ASPH: variants seen among roughly 807,000 people sequenced by gnomAD.
ASPH encodes aspartate beta-hydroxylase.
Under a neutral mutation model 118.4 loss-of-function variants are expected in ASPH, and 100 were observed. The ratio of observed to expected loss-of-function variants is 0.84; its 90% CI spans 0.72 to 1.00. The LOEUF is 1.00. Among genes scored for constraint, ASPH ranks in the 50% least tolerant of loss-of-function variants. The pLI, the probability that ASPH is intolerant of heterozygous loss-of-function variation, is 0.00. For synonymous variants in ASPH, 315 were observed against 325.6 expected (o/e 0.97, Z 0.35); for missense variants, 920 against 919.5 (o/e 1.00, Z -0.01).
chr8:61,565,596 C>G (rs1434581018), intron 17 of ASPH, among the ~76,000 whole-genome samples: 1 of 147,534 alleles, frequency 6.8e-6, no homozygotes, highest in Non-Finnish European at 1.5e-5. Flanking sequence ...GAAGCTGTAG[C>G]AAGTTTCCAG....
intron 3 of ASPH, among the ~76,000 whole-genome samples, chr8:61,670,640 C>T (rs1179194874): frequency 6.6e-6 from 1 of 151,176 alleles, no homozygotes; most frequent in Non-Finnish European, 1.5e-5. Context: ...GTCGAGGAAA[C>T]GCAGGCATGT....
chr8:61,626,349 C>T, intron 13 of ASPH: 1 of 1,374,976 alleles, frequency 7.3e-7, no homozygotes. Context: ...GCTTCATTTT[C>T]ATTCTACTTT....
intron 13 of ASPH, among the ~76,000 whole-genome samples, chr8:61,621,931 T>C (rs1851087966): frequency 6.6e-6 from 1 of 152,216 alleles, no homozygotes; most frequent in Non-Finnish European, 1.5e-5. Flanking sequence ...TCTTAACGTT[T>C]TTTCTCCTTT....
At position 61,539,699 on chromosome 8, in the gene ASPH, G is replaced by GGTGTGT. The variant is rs10522481; in HGVS notation, c.1764+8366_1764+8371dup. Among the ~76,000 whole-genome samples the GGTGTGT allele has an allele frequency of 4.5e-3, 563 of 124,276 alleles. 8 individuals carry two copies. The highest frequency in any genetic ancestry group is 8.6e-3 in the Middle Eastern group (2 of 232). The allele number at this position is 124,276 out of a possible 152,430, so 81.5% of individuals were successfully genotyped here. On this transcript the variant is annotated intron_variant, in intron 21 of 24. Coordinates refer to ENST00000379454, the MANE Select transcript of ASPH (RefSeq NM_004318.4). ...TGTGATGGTCACCTAACACTTCTGGGGTGTGTGTGTGTGTGTGTGTGTGTG... is the reference window on the plus strand; with the variant it reads ...TGTGATGGTCACCTAACACTTCTGGGGTGTGTGTGTGTGTGTGTGTGTGTGTGTGTG...
chr8:61,608,078 C>T (rs74659839), intron 14 of ASPH, among the ~76,000 whole-genome samples: 1,685 of 152,230 alleles, frequency 0.011, 30 homozygotes, highest in African/African-American at 0.039. Context: ...CTGGGAAAGG[C>T]TCACCTTTCT....
intron 18 of ASPH, among the ~76,000 whole-genome samples, chr8:61,560,352 C>G (rs751349945): frequency 6.6e-6 from 1 of 151,906 alleles, no homozygotes; most frequent in African/African-American, 2.4e-5. Context: ...TTCTTTGTTG[C>G]AACTAAAAGC....
At chr8:61,594,813 C>A (rs1051511008) in intron 14 of ASPH, among the ~76,000 whole-genome samples, 2 of 152,166 alleles carry the variant, frequency 1.3e-5, no homozygotes, top group African/African-American at 4.8e-5. Flanking sequence ...TTTTAGGTAT[C>A]CACCAAGGGT....
chr8:61,711,056 G>A (rs1032568367), intron 1 of ASPH, among the ~76,000 whole-genome samples: 1 of 146,864 alleles, frequency 6.8e-6, no homozygotes, highest in Non-Finnish European at 1.5e-5. Context: ...TCTATCAATA[G>A]TTTTGAGTAT....
Position 61,527,686 on chromosome 8 carries a change from C to G in ASPH, c.1765-1574G>C, listed in dbSNP as rs567558657. On this transcript the variant is annotated intron_variant, in intron 21 of 24. Transcript: ENST00000379454. ...GAAAGTACACTCCCAGGAAGGGTGG[C>G]GGGGGGAAGGAGATGACAAAGGCCA... Among the ~76,000 whole-genome samples, 119 of 152,056 alleles carry G rather than the reference C, an allele frequency of 7.8e-4. 2 individuals carry two copies. In the South Asian group the frequency reaches 0.025, roughly 32 times the overall value.
chr8:61,529,577 C>G (rs963779836), intron 21 of ASPH, among the ~76,000 whole-genome samples: 3 of 152,144 alleles, frequency 2.0e-5, no homozygotes, highest in Non-Finnish European at 4.4e-5. Flanking sequence ...TTTTTAAGCA[C>G]AAACCAAGGA....
chr8:61,579,353 G>A lies in ASPH; in HGVS notation c.1063-2495C>T, dbSNP rs112726962. Reference sequence around the variant, plus strand: ...AGCTGCGTGAGTACCAGGAGCTGATGAACGTCAAGCTGGCCCTGGACATCG... The same window carrying A: ...AGCTGCGTGAGTACCAGGAGCTGATAAACGTCAAGCTGGCCCTGGACATCG... On this transcript the variant is annotated intron_variant, in intron 15 of 24. Coordinates refer to ENST00000379454, the MANE Select transcript of ASPH (RefSeq NM_004318.4). 2.5e-6 allele frequency: 4 copies of A among 1,614,178 alleles called. No homozygotes were observed. The South Asian group carries it at 4.4e-5, about 18-fold the overall frequency.
rs1322097521 is a variant in ASPH, at chr8:61,501,568, T to C, written c.*1791A>G. 6.6e-6 allele frequency: 1 copy of C among 152,188 alleles called. No homozygotes were observed. Among genetic ancestry groups the C allele is most frequent in the Non-Finnish European group, 1.5e-5 (1 of 68,016 alleles). 9.4% of individuals were successfully genotyped at this position (152,188 alleles called of 1,614,324 possible). A position where few individuals can be genotyped will look rare whatever the true frequency, so the allele number is the denominator to read the frequency against. On this transcript the variant is annotated 3_prime_UTR_variant, in exon 25 of 25. Coordinates refer to ENST00000379454, the MANE Select transcript of ASPH (RefSeq NM_004318.4). Reference sequence around the variant, plus strand: ...TGACATGAATGTTACTACATGAACATTGAATTGTATTGCCCTTGTCAGTTA... The same window carrying C: ...TGACATGAATGTTACTACATGAACACTGAATTGTATTGCCCTTGTCAGTTA...
chr8:61,689,745 A>T, intron 1 of ASPH: 1 of 1,544,650 alleles, frequency 6.5e-7, no homozygotes, highest in Non-Finnish European at 8.7e-7. Context: ...ACAAAAAAAA[A>T]AACTCAAAAG....
chr8:61,603,684 A>C (rs1345926959), intron 14 of ASPH, among the ~76,000 whole-genome samples: 1 of 152,246 alleles, frequency 6.6e-6, no homozygotes, highest in Non-Finnish European at 1.5e-5. Context: ...GTGTGGGGAC[A>C]CAAAGATAAA....
intron 1 of ASPH, among the ~76,000 whole-genome samples, chr8:61,704,393 A>G (rs1224059352): frequency 4.0e-5 from 6 of 151,896 alleles, no homozygotes; most frequent in Non-Finnish European, 8.8e-5. Flanking sequence ...ATTAATGTGA[A>G]AATGCTCATA....
chr8:61,613,284 A>G (rs1218223841), intron 14 of ASPH, among the ~76,000 whole-genome samples: 1 of 152,220 alleles, frequency 6.6e-6, no homozygotes, highest in Non-Finnish European at 1.5e-5. Flanking sequence ...ATCTCCTTCC[A>G]AGGAAAAGTA....
intron 13 of ASPH, chr8:61,625,639 A>G: frequency 2.2e-6 from 2 of 917,806 alleles, no homozygotes; most frequent in Middle Eastern, 5.7e-4. Context: ...TTTCACTGAA[A>G]TATTAAATTT....
intron 1 of ASPH, among the ~76,000 whole-genome samples, chr8:61,694,862 C>G (rs1833553114): frequency 6.6e-6 from 1 of 152,210 alleles, no homozygotes. Flanking sequence ...AAACCATGGT[C>G]TTTCCCCTTT....
chr8:61,539,223 A>G (rs1294251653), intron 21 of ASPH, among the ~76,000 whole-genome samples: 1 of 152,214 alleles, frequency 6.6e-6, no homozygotes, highest in African/African-American at 2.4e-5. Flanking sequence ...ACTGGGCGAC[A>G]GAGTGAGACT....
Sources: allele counts gnomAD v4.1 joint callset (sites outside exome capture counted in the v4.1 genomes callset), GRCh38; gene constraint gnomAD v4.1.1; transcripts MANE v1.5; gene names NCBI Gene and HGNC (gene_info 2026-07-23, HGNC 2026-07-21).